GNAT3: variants seen among roughly 807,000 people sequenced by gnomAD.
The protein encoded by GNAT3 is G protein subunit alpha transducin 3, also known as guanine nucleotide-binding protein G(t) subunit alpha-3.
In GNAT3, 31 loss-of-function variants were observed where a neutral mutation model predicts 37.7. The ratio of observed to expected loss-of-function variants is 0.82; its 90% CI spans 0.62 to 1.11. GNAT3 has a LOEUF of 1.11. Among genes scored for constraint, GNAT3 ranks in the 50% most tolerant of loss-of-function variants. The pLI is 0.00. For missense variants in GNAT3, 437 were observed against 412.5 expected, an observed-to-expected ratio of 1.06 and a Z score of -0.51; for synonymous variants, 138 against 139.8, an observed-to-expected ratio of 0.99 and a Z score of 0.09.
At chr7:80,474,422 C>T (rs1055237324) in intron 4 of GNAT3, 43 bp from the exon 5 acceptor site, 7 of 839,864 alleles carry the variant, frequency 8.3e-6, no homozygotes, top group Non-Finnish European at 1.3e-5. Flanking sequence ...ATATATAATA[C>T]ATAAATACAT....
chr7:80,511,785 A>T, intron 1 of GNAT3, 24 bp downstream of exon 1: 1 of 1,502,180 alleles, frequency 6.7e-7, no homozygotes, highest in Non-Finnish European at 9.2e-7. Flanking sequence ...CAGGTTTTTG[A>T]AAGCAAAAGG....
chr7:80,488,536 G>A lies in GNAT3; in HGVS notation c.302C>T (p.Ala101Val). 2 of 1,599,256 alleles carry A rather than the reference G, an allele frequency of 1.3e-6. No homozygotes were observed. ...LGIDYVNPRS[A>V]EDQRQLYAMA... is the part of the protein sequence containing the mutation. ...AGCTGTCATTATTTGCATACTTACT[G>A]CACTTCTGGGATTTACATAATCAAT... Residue 101 changes from alanine (A) to valine (V), a missense_variant and splice_region_variant, in exon 3 of 8, where the codon GCA becomes GTA. Ala to Val is a moderately conservative substitution (Grantham distance 64). Transcript: ENST00000398291.
At chr7:80,487,472 A>G (rs1319092304) in intron 3 of GNAT3, among the ~76,000 whole-genome samples, 4 of 152,172 alleles carry the variant, frequency 2.6e-5, no homozygotes, top group African/African-American at 9.6e-5. Context: ...GAAAAGTGAC[A>G]GGAAAAAGGG....
chr7:80,460,763 A>G (rs799935), intron 7 of GNAT3, among the ~76,000 whole-genome samples: 3,428 of 150,030 alleles, frequency 0.023, 129 homozygotes, highest in African/African-American at 0.078. Flanking sequence ...AAAAAAAAAG[A>G]TGGACTTTAG....
At chr7:80,498,838 T>C (rs2116217493) in intron 1 of GNAT3, among the ~76,000 whole-genome samples, 1 of 152,254 alleles carries the variant, frequency 6.6e-6, no homozygotes, top group South Asian at 2.1e-4. Flanking sequence ...AATATTTAAA[T>C]TTATACTTAA....
At chr7:80,474,179 C>G in intron 5 of GNAT3, 72 bp downstream of exon 5, 1 of 1,463,858 alleles carries the variant, frequency 6.8e-7, no homozygotes, top group Non-Finnish European at 9.4e-7. Flanking sequence ...TGGGCTAGAG[C>G]TTTTCTCCAT....
chr7:80,462,267 G>T lies in GNAT3; in HGVS notation c.766C>A (p.His256Asn). Reference sequence around the variant, plus strand: ...ATGGAGGTTGTTGAAAAATACTTGTGATTACAGATACTGTTGAACAGGTGA... The same window carrying T: ...ATGGAGGTTGTTGAAAAATACTTGTTATTACAGATACTGTTGAACAGGTGA... Reference protein sequence around the residue: ...SLHLFNSICNHKYFSTTSIVL... With the variant: ...SLHLFNSICNNKYFSTTSIVL... The change falls in exon 7 of 8, where the codon CAC becomes AAC. Residue 256 changes from histidine to asparagine, a missense_variant. Transcript: ENST00000398291. The T allele has an allele frequency of 6.2e-7, 1 of 1,612,496 alleles. No homozygotes were observed. The highest frequency in any genetic ancestry group is 2.2e-5 in the East Asian group (1 of 44,820).
chr7:80,478,815 A>G (rs1790344581), intron 4 of GNAT3, 26 bp downstream of exon 4: 1 of 1,603,512 alleles, frequency 6.2e-7, no homozygotes, highest in Non-Finnish European at 8.5e-7. Flanking sequence ...TTTACCTCCA[A>G]TTCCCCTTAA....
intron 2 of GNAT3, among the ~76,000 whole-genome samples, 197 bp downstream of exon 2, chr7:80,494,408 G>C (rs1790675066): frequency 6.6e-6 from 1 of 152,056 alleles, no homozygotes; most frequent in African/African-American, 2.4e-5. Context: ...TTAAAAAATG[G>C]AAATTATAAT....
intron 1 of GNAT3, among the ~76,000 whole-genome samples, chr7:80,497,543 C>CACATATACTTATAT (rs1790739416): frequency 9.4e-6 from 1 of 106,578 alleles, no homozygotes; most frequent in Non-Finnish European, 1.9e-5. Context: ...TATATATATA[C>CACATATACTTATAT]ACATATACGT....
chr7:80,478,190 C>T (rs112342029), intron 4 of GNAT3, among the ~76,000 whole-genome samples: 266 of 152,276 alleles, frequency 1.7e-3, no homozygotes, highest in African/African-American at 5.8e-3. Flanking sequence ...GGATTACAGG[C>T]GTGAGCCACT....
chr7:80,470,473 G>A (rs866391801), intron 5 of GNAT3, among the ~76,000 whole-genome samples: 2 of 152,164 alleles, frequency 1.3e-5, no homozygotes, highest in African/African-American at 2.4e-5. Flanking sequence ...CACCAGCCTC[G>A]GCCTCTCAAA....
intron 5 of GNAT3, among the ~76,000 whole-genome samples, chr7:80,466,448 G>A (rs1430240227): frequency 6.6e-6 from 1 of 152,048 alleles, no homozygotes; most frequent in Non-Finnish European, 1.5e-5. Flanking sequence ...TCTTTAAGGT[G>A]ACTTTGTAAT....
At chr7:80,463,636 A>T (rs75212646) in intron 5 of GNAT3, among the ~76,000 whole-genome samples, 1 of 151,766 alleles carries the variant, frequency 6.6e-6, no homozygotes, top group Non-Finnish European at 1.5e-5. Flanking sequence ...ATCAATATCT[A>T]TCATCTCCCT....
At chr7:80,508,389 A>G (rs938131295) in intron 1 of GNAT3, among the ~76,000 whole-genome samples, 12 of 152,076 alleles carry the variant, frequency 7.9e-5, no homozygotes, top group Admixed American at 3.3e-4. Flanking sequence ...GTTTACAATT[A>G]AATAATAGGT....
chr7:80,458,793 C>A lies in GNAT3; in HGVS notation c.943G>T (p.Glu315Ter), dbSNP rs753220041. Residue 315 changes from glutamate to a stop codon, truncating the protein, a stop_gained, in exon 8 of 8, where the codon GAA (glutamate) becomes TAA (stop). Transcript: ENST00000398291. LOFTEE classifies it low-confidence loss of function (END_TRUNC). ...NQFLDLNLKK[E>*]DKEIYSHMTC... Reference sequence around the variant, plus strand: ...ATGTGGGAATAAATTTCCTTATCTTCTTTTTTTAAATTCAGGTCTAGAAAC... The same window carrying A: ...ATGTGGGAATAAATTTCCTTATCTTATTTTTTTAAATTCAGGTCTAGAAAC... 6.9e-6 allele frequency: 11 copies of A among 1,596,228 alleles called. No homozygotes were observed. The highest frequency in any genetic ancestry group is 9.4e-6 in the Non-Finnish European group (11 of 1,171,288).
At chr7:80,509,504 T>C (rs1339574906) in intron 1 of GNAT3, among the ~76,000 whole-genome samples, 2 of 152,112 alleles carry the variant, frequency 1.3e-5, no homozygotes, top group East Asian at 3.9e-4. Flanking sequence ...AAGTAAAACA[T>C]GTAATAGTCC....
chr7:80,480,594 C>T (rs1481264434), intron 3 of GNAT3, among the ~76,000 whole-genome samples: 2 of 152,078 alleles, frequency 1.3e-5, no homozygotes, highest in South Asian at 4.1e-4. Flanking sequence ...GCCCCGAGGG[C>T]TGCTGGTTGT....
intron 1 of GNAT3, among the ~76,000 whole-genome samples, chr7:80,496,744 C>T (rs1403989967): frequency 6.6e-6 from 1 of 152,134 alleles, no homozygotes; most frequent in Non-Finnish European, 1.5e-5. Flanking sequence ...TTGTACTGCG[C>T]ATCATTTTTT....
Sources: gnomAD v4.1 joint callset for allele counts (sites outside exome capture counted in the v4.1 genomes callset) on GRCh38, gnomAD v4.1.1 for gene constraint, MANE v1.5 for transcripts, NCBI Gene and HGNC (gene_info 2026-07-23, HGNC 2026-07-21) for gene names.